The following ARHGEF38 variants were observed in gnomAD, a reference collection of about 807,000 sequenced individuals.
The protein encoded by ARHGEF38 is Rho guanine nucleotide exchange factor 38, also known as Rho guanine nucleotide exchange factor (GEF) 38.
Under a neutral mutation model 79.9 loss-of-function variants are expected in ARHGEF38, and 79 were observed. The observed-to-expected ratio is 0.99, with a 90% confidence interval of 0.82 to 1.19. ARHGEF38 has a LOEUF of 1.19. ARHGEF38 is among the 50% of genes most tolerant of loss of function. ARHGEF38 has a pLI of 0.00. For synonymous variants in ARHGEF38, 366 were observed against 328.3 expected (o/e 1.11, Z -1.24); for missense variants, 962 against 907.2 (o/e 1.06, Z -0.78).
At chr4:105,653,596 C>G (rs1318284161) in intron 7 of ARHGEF38, among the ~76,000 whole-genome samples, 6 of 152,152 alleles carry the variant, frequency 3.9e-5, no homozygotes, top group African/African-American at 1.4e-4. Flanking sequence ...GCTGGGATTA[C>G]AGGCCACATT....
At chr4:105,594,459 T>A (rs1560709078) in intron 2 of ARHGEF38, among the ~76,000 whole-genome samples, 1 of 152,180 alleles carries the variant, frequency 6.6e-6, no homozygotes, top group Non-Finnish European at 1.5e-5. Flanking sequence ...TGGGGCAACA[T>A]AAATATTTTA....
chr4:105,562,107 A>G (rs1452282444), intron 1 of ARHGEF38, among the ~76,000 whole-genome samples: 1 of 152,160 alleles, frequency 6.6e-6, no homozygotes, highest in Non-Finnish European at 1.5e-5. Flanking sequence ...TTTAAGTAAA[A>G]AAGGAAAAGG....
rs1397526775 is a variant in ARHGEF38 at position 105,552,700 on chromosome 4, C to A, written c.-66C>A. ...ACTCGTCACTCTAGTAGCTTTAACCCTCACCCTGAGGCACCTTAGCAATCA... is the reference window on the plus strand; with the variant it reads ...ACTCGTCACTCTAGTAGCTTTAACCATCACCCTGAGGCACCTTAGCAATCA... On this transcript the variant is annotated 5_prime_UTR_variant, in exon 1 of 14. Coordinates refer to ENST00000420470, the MANE Select transcript of ARHGEF38 (RefSeq NM_001242729.2). 1.5e-6 allele frequency: 2 copies of A among 1,378,016 alleles called. No individual in the cohort carries two copies. The highest frequency in any genetic ancestry group is 2.3e-5 in the East Asian group (1 of 43,172). The allele number at this position is 1,378,016 out of a possible 1,614,324, so 85.4% of individuals were successfully genotyped here.
At chr4:105,672,273 A>T (rs942565605) in intron 13 of ARHGEF38, among the ~76,000 whole-genome samples, 4 of 152,174 alleles carry the variant, frequency 2.6e-5, no homozygotes, top group African/African-American at 9.7e-5. Flanking sequence ...AGAAAATTTT[A>T]TCTAAAATGT....
chr4:105,567,037 C>G (rs1578260177), intron 1 of ARHGEF38, among the ~76,000 whole-genome samples: 1 of 152,218 alleles, frequency 6.6e-6, no homozygotes, highest in East Asian at 1.9e-4. Flanking sequence ...ACACACCTCG[C>G]CTGCCATCCT....
At chr4:105,601,507 A>G (rs1727820389) in intron 2 of ARHGEF38, among the ~76,000 whole-genome samples, 2 of 152,146 alleles carry the variant, frequency 1.3e-5, no homozygotes. Flanking sequence ...AATATAGGGT[A>G]CATTAATGAG....
chr4:105,667,820 C>T (rs1225211342), intron 13 of ARHGEF38, 117 bp downstream of exon 13: 6 of 1,237,170 alleles, frequency 4.8e-6, no homozygotes, highest in African/African-American at 1.5e-5. Flanking sequence ...ATCAAGGAGA[C>T]CTGGCTCTAT....
In ARHGEF38 at chr4:105,665,855, C is replaced by T. The variant is rs149490666; in HGVS notation, c.1546-322C>T. ...AGTGCTCCTTCTTTTAGCTGCTTTC[C>T]CTTGCCACCATCCTACCCCACCACA... On this transcript the variant is annotated intron_variant, in intron 10 of 13. Transcript: ENST00000420470. Among the ~76,000 whole-genome samples the T allele has an allele frequency of 2.2e-3, 328 of 152,244 alleles. 2 individuals are homozygous for T. The highest frequency in any genetic ancestry group is 7.4e-3 in the African/African-American group (306 of 41,542).
rs992062588 is a variant in ARHGEF38 at position 105,621,141 on chromosome 4, A to G, written c.508+7634A>G. ...AGTCATCTCGGACATTAAAACCCAG[A>G]TAAGTCCTTGGATGACTCAGCCTGA... is the stretch of plus-strand genomic sequence containing the variant. On this transcript the variant is annotated intron_variant, in intron 3 of 13. Transcript: ENST00000420470. Among the ~76,000 whole-genome samples, 6 of 152,330 alleles carry G rather than the reference A, an allele frequency of 3.9e-5. No homozygotes were observed. The East Asian group carries it at 7.7e-4, about 20-fold the overall frequency.
At chr4:105,575,281 G>T (rs1726443120) in intron 1 of ARHGEF38, among the ~76,000 whole-genome samples, 1 of 152,042 alleles carries the variant, frequency 6.6e-6, no homozygotes, top group African/African-American at 2.4e-5. Context: ...CAGCAGAGTA[G>T]AAGCATTCTC....
At chr4:105,653,824 T>C (rs972633757) in intron 7 of ARHGEF38, among the ~76,000 whole-genome samples, 1 of 152,150 alleles carries the variant, frequency 6.6e-6, no homozygotes, top group South Asian at 2.1e-4. Flanking sequence ...ATGGGTGAAG[T>C]TATGTGGAAA....
chr4:105,659,089 G>T lies in ARHGEF38; in HGVS notation c.1269G>T (p.Leu423Phe), dbSNP rs1461238617. The change falls in exon 10 of 14, where the codon TTG becomes TTT. Residue 423 changes from leucine to phenylalanine, a missense_variant. Coordinates refer to ENST00000420470, the MANE Select transcript of ARHGEF38 (RefSeq NM_001242729.2). ...TACAGAGACTCATCCTGACCCCCTTGTCAGCCCTGCTGTCCTTATTCCCAG... is the reference window on the plus strand; with the variant it reads ...TACAGAGACTCATCCTGACCCCCTTTTCAGCCCTGCTGTCCTTATTCCCAG... The part of the protein sequence containing the change: ...SHLQRLILTP[L>F]SALLSLFPGP... 27 of 1,535,858 alleles carry T rather than the reference G, an allele frequency of 1.8e-5. No homozygotes were observed. The South Asian group carries it at 2.0e-4, about 12-fold the overall frequency.
At chr4:105,586,036 G>A (rs1360314052) in intron 1 of ARHGEF38, among the ~76,000 whole-genome samples, 2 of 151,750 alleles carry the variant, frequency 1.3e-5, no homozygotes, top group East Asian at 1.9e-4. Context: ...AGGCCCCCTC[G>A]GTTGCTTCAT....
Position 105,678,258 on chromosome 4 carries a change from G to T in ARHGEF38, c.*321G>T. On this transcript the variant is annotated 3_prime_UTR_variant, in exon 14 of 14. Coordinates refer to ENST00000420470, the MANE Select transcript of ARHGEF38 (RefSeq NM_001242729.2). ...ATCATCAAGAAAGGTTGGATCCAAAGGTTTTTCAATTTACTTTTTTTTTTA... is the reference window on the plus strand; with the variant it reads ...ATCATCAAGAAAGGTTGGATCCAAATGTTTTTCAATTTACTTTTTTTTTTA... The T allele has an allele frequency of 1.5e-5, 3 of 205,814 alleles. No homozygotes were observed. Among genetic ancestry groups the T allele is most frequent in the Admixed American group, 5.6e-5 (1 of 17,722 alleles). The allele number at this position is 205,814 out of a possible 1,614,324, so 12.7% of individuals were successfully genotyped here. A position where few individuals can be genotyped will look rare whatever the true frequency, so the allele number is the denominator to read the frequency against.
At chr4:105,610,079 C>T (rs1728224348) in intron 2 of ARHGEF38, among the ~76,000 whole-genome samples, 1 of 152,072 alleles carries the variant, frequency 6.6e-6, no homozygotes, top group African/African-American at 2.4e-5. Context: ...AAGCTGGAAG[C>T]TATCATCCTC....
intron 5 of ARHGEF38, among the ~76,000 whole-genome samples, chr4:105,640,571 A>T (rs1729578216): frequency 6.6e-6 from 1 of 152,020 alleles, no homozygotes; most frequent in Non-Finnish European, 1.5e-5. Context: ...TTCCCCTCCC[A>T]TCATCCTGGA....
intron 3 of ARHGEF38, among the ~76,000 whole-genome samples, chr4:105,613,894 T>A (rs1728406936): frequency 6.6e-6 from 1 of 152,130 alleles, no homozygotes; most frequent in African/African-American, 2.4e-5. Context: ...TGCCCATCAA[T>A]CAATTTTTTT....
intron 1 of ARHGEF38, among the ~76,000 whole-genome samples, chr4:105,559,281 A>G (rs1182569410): frequency 6.6e-6 from 1 of 152,160 alleles, no homozygotes; most frequent in Non-Finnish European, 1.5e-5. Flanking sequence ...TTTCTGTTCA[A>G]CAGGCCTCAG....
At position 105,677,901 on chromosome 4, in the gene ARHGEF38, G is replaced by A; in HGVS notation, c.2298G>A (p.Val766=). The A allele has an allele frequency of 6.5e-7, 1 of 1,532,832 alleles. No individual in the cohort carries two copies. Among genetic ancestry groups the A allele is most frequent in the Non-Finnish European group, 8.7e-7 (1 of 1,144,940 alleles). The allele number at this position is 1,532,832 out of a possible 1,614,324, so 95.0% of individuals were successfully genotyped here. A position where few individuals can be genotyped will look rare whatever the true frequency, so the allele number is the denominator to read the frequency against. Residue 766 remains valine, a synonymous_variant, in exon 14 of 14, where the codon GTG becomes GTA. Transcript: ENST00000420470. ...AAGCTCAAGGGCAGAAAGGATACGT[G>A]CCAGCTAACTACCTTGGAAAGATGA... ...LAEAQGQKGY[V]PANYLGKMTY...
Sources: allele counts gnomAD v4.1 joint callset (sites outside exome capture counted in the v4.1 genomes callset), GRCh38; gene constraint gnomAD v4.1.1; transcripts MANE v1.5; gene names NCBI Gene and HGNC (gene_info 2026-07-23, HGNC 2026-07-21).